The following TLCD1 variants were observed in gnomAD, a reference collection of about 807,000 sequenced individuals.
The protein encoded by TLCD1 is TLC domain containing 1, also known as TLC domain-containing protein 1.
A neutral mutation model predicts 21.2 loss-of-function variants in TLCD1; 21 were observed. The ratio of observed to expected loss-of-function variants is 0.99; its 90% CI spans 0.70 to 1.42. The LOEUF is 1.42. Ranked by LOEUF, TLCD1 falls within the 40% of genes most tolerant of loss-of-function variation. The pLI, the probability that TLCD1 is intolerant of heterozygous loss-of-function variation, is 0.00. For missense variants in TLCD1, 344 were observed against 330.3 expected, an observed-to-expected ratio of 1.04 and a Z score of -0.32; for synonymous variants, 168 against 134.8, an observed-to-expected ratio of 1.25 and a Z score of -1.71.
chr17:28,725,708 G>C, intron 1 of TLCD1, 145 bp from the exon 2 acceptor site: 1 of 1,147,902 alleles, frequency 8.7e-7, no homozygotes, highest in Non-Finnish European at 1.2e-6. Context: ...AAACCCAAGA[G>C]CCTCCAGTTT....
chr17:28,724,654 C>G lies in TLCD1; in HGVS notation c.600G>C (p.Gln200His), dbSNP rs755663793. 1 of 1,614,130 alleles carries G rather than the reference C, an allele frequency of 6.2e-7. No individual in the cohort carries two copies. The highest frequency in any genetic ancestry group is 8.5e-7 in the Non-Finnish European group (1 of 1,179,996). ...CCAGCAGGAAGGTGCCCAGGGTCCT[C>G]TGGTTCACATAACGCAAGAAGAAAT... ...LTHFFLRYVN[Q>H]RTLGTFLLGI... The change falls in exon 4 of 4, where the codon CAG becomes CAC. Residue 200 changes from glutamine (Q) to histidine (H), a missense_variant. By Grantham distance (24) the Gln-to-His change is conservative. Coordinates refer to ENST00000292090, the MANE Select transcript of TLCD1 (RefSeq NM_138463.4).
intron 3 of TLCD1, 135 bp downstream of exon 3, chr17:28,725,169 T>A: frequency 9.5e-7 from 1 of 1,047,514 alleles, no homozygotes; most frequent in Non-Finnish European, 1.4e-6. Context: ...ACCTCCAGCA[T>A]CCTAGCATAA....
Position 28,724,736 on chromosome 17 carries a change from T to C in TLCD1, c.518A>G (p.Tyr173Cys). 1.2e-6 allele frequency: 2 copies of C among 1,614,130 alleles called. No individual in the cohort carries two copies. Among genetic ancestry groups the C allele is most frequent in the Non-Finnish European group, 1.7e-6 (2 of 1,180,028 alleles). The stretch of plus-strand genomic sequence containing the variant: ...GAGAAAGTACATGACCAGGTTCACA[T>C]ACTTGTTAACCCGGTAGAGGAGATG... ...QDHLLYRVNK[Y>C]VNLVMYFLFR... Residue 173 changes from tyrosine (Y) to cysteine (C), a missense_variant, in exon 4 of 4, where the codon TAT (tyrosine) becomes TGT (cysteine). Tyr to Cys is a radical substitution (Grantham distance 194, BLOSUM62 -2). Transcript: ENST00000292090.
rs2034173172 is a variant in TLCD1, at chr17:28,724,386, G to A, written c.*124C>T. The A allele has an allele frequency of 2.5e-6, 3 of 1,218,248 alleles. No individual in the cohort carries two copies. The highest frequency in any genetic ancestry group is 2.2e-5 in the Admixed American group (1 of 45,326). 75.5% of individuals were successfully genotyped at this position (1,218,248 alleles called of 1,614,324 possible). A position where few individuals can be genotyped will look rare whatever the true frequency, so the allele number is the denominator to read the frequency against. On this transcript the variant is annotated 3_prime_UTR_variant, in exon 4 of 4. Coordinates refer to ENST00000292090, the MANE Select transcript of TLCD1 (RefSeq NM_138463.4). ...TTTCATTAGTGTTTTCAATAGTGTG[G>A]GCGCAGGCTCAGAAGGTGGAGAGGC...
intron 1 of TLCD1, 148 bp downstream of exon 1, chr17:28,725,755 CT>C: frequency 8.0e-7 from 1 of 1,243,458 alleles, no homozygotes; most frequent in Non-Finnish European, 1.1e-6. Context: ...GCCACTGCGG[CT>C]TTTGGTTGGA....
In TLCD1 at chr17:28,724,706, C is replaced by T. The variant is rs1014430899; in HGVS notation, c.548G>A (p.Arg183His). 5.0e-6 allele frequency: 8 copies of T among 1,613,936 alleles called. No homozygotes were observed. The highest frequency in any genetic ancestry group is 3.3e-5 in the Admixed American group (2 of 59,970). The change falls in exon 4 of 4, where the codon CGC (arginine) becomes CAC (histidine). Residue 183 changes from arginine to histidine, a missense_variant. Physicochemically the swap from Arg to His is conservative, Grantham distance 29. Coordinates refer to ENST00000292090, the MANE Select transcript of TLCD1 (RefSeq NM_138463.4). ...YVNLVMYFLF[R>H]LAPQAYLTHF... ...GGTGAGGTAGGCCTGAGGGGCCAGGCGGAAGAGAAAGTACATGACCAGGTT... is the reference window on the plus strand; with the variant it reads ...GGTGAGGTAGGCCTGAGGGGCCAGGTGGAAGAGAAAGTACATGACCAGGTT...
upstream of TLCD1, chr17:28,726,341 C>G: frequency 1.2e-6 from 1 of 812,986 alleles, no homozygotes; most frequent in Non-Finnish European, 1.5e-6. Context: ...TGCCCCCGCC[C>G]CTCAGGCGCT....
upstream of TLCD1, chr17:28,726,845 C>T (rs1303083955): frequency 1.9e-6 from 3 of 1,543,274 alleles, no homozygotes; most frequent in Admixed American, 5.9e-5. Flanking sequence ...ACTCCTGGGG[C>T]CGGGCGGCTG....
upstream of TLCD1, among the ~76,000 whole-genome samples, chr17:28,726,430 T>G (rs1384010946): frequency 6.6e-6 from 1 of 151,682 alleles, no homozygotes; most frequent in African/African-American, 2.4e-5. Flanking sequence ...CTAGGAGCTG[T>G]GCTGGGGGCG....
Position 28,726,191 on chromosome 17 carries a change from T to G in TLCD1, c.-94A>C. ...CGGGCCAGTCCAGGCCGGCCGCCTC[T>G]CCCGCCGGCCGCCAGCCCCACACAG... On this transcript the variant is annotated 5_prime_UTR_variant, in exon 1 of 4. Transcript: ENST00000292090. The G allele has an allele frequency of 1.7e-5, 23 of 1,370,548 alleles. No individual in the cohort carries two copies. The highest frequency in any genetic ancestry group is 2.1e-5 in the Non-Finnish European group (23 of 1,070,162). 84.9% of individuals were successfully genotyped at this position (1,370,548 alleles called of 1,614,324 possible). A position where few individuals can be genotyped will look rare whatever the true frequency, so the allele number is the denominator to read the frequency against.
At position 28,724,912 on chromosome 17, in the gene TLCD1, A is replaced by G. The variant is rs772472616; in HGVS notation, c.361-19T>C. On this transcript the variant is annotated intron_variant, in intron 3 of 3. Transcript: ENST00000292090. Reference sequence around the variant, plus strand: ...CCATGGCCTAGAGGGAAGAAAGAATAGGAGTTAGGGAACCCAGATGCAGAC... The same window carrying G: ...CCATGGCCTAGAGGGAAGAAAGAATGGGAGTTAGGGAACCCAGATGCAGAC... 1 of 1,605,046 alleles carries G rather than the reference A, an allele frequency of 6.2e-7. No individual in the cohort carries two copies. The highest frequency in any genetic ancestry group is 2.2e-5 in the East Asian group (1 of 44,806).
chr17:28,725,312 G>A lies in TLCD1; in HGVS notation c.352C>T (p.His118Tyr). The A allele has an allele frequency of 3.1e-6, 5 of 1,614,116 alleles. No homozygotes were observed. The highest frequency in any genetic ancestry group is 4.2e-6 in the Non-Finnish European group (5 of 1,179,978). The part of the protein sequence containing the change: ...TRASWEYLVH[H>Y]VMAMGAFFSG... ...GTCTGCTTCTCTCTTACCATGACGT[G>A]ATGGACAAGGTATTCCCAAGAGGCT... Residue 118 changes from histidine (H) to tyrosine (Y), a missense_variant, in exon 3 of 4, where the codon CAC becomes TAC. Transcript: ENST00000292090.
At chr17:28,725,597 G>C (rs372254783) in intron 1 of TLCD1, 34 bp from the exon 2 acceptor site, 1 of 1,606,448 alleles carries the variant, frequency 6.2e-7, no homozygotes, top group East Asian at 2.2e-5. Flanking sequence ...TCTGCATTTC[G>C]GCACCCTCAA....
In TLCD1 at chr17:28,725,469, G is replaced by A; in HGVS notation, c.277+12C>T. 6.2e-7 allele frequency: 1 copy of A among 1,614,106 alleles called. No homozygotes were observed. The highest frequency in any genetic ancestry group is 8.5e-7 in the Non-Finnish European group (1 of 1,180,012). ...TCCCCAATTTGCCTCCCGCTTCCTGGGCAAGACCTACCCGCAGAGAAGCAA... is the reference window on the plus strand; with the variant it reads ...TCCCCAATTTGCCTCCCGCTTCCTGAGCAAGACCTACCCGCAGAGAAGCAA... On this transcript the variant is annotated intron_variant, in intron 2 of 3. Coordinates refer to ENST00000292090, the MANE Select transcript of TLCD1 (RefSeq NM_138463.4).
In TLCD1 at chr17:28,726,052, T is replaced by A. The variant is rs1488494078; in HGVS notation, c.46A>T (p.Thr16Ser). Residue 16 changes from threonine to serine, a missense_variant, in exon 1 of 4, where the codon ACG becomes TCG. By Grantham distance (58) the Thr-to-Ser change is moderately conservative. Transcript: ENST00000292090. ...HPALPLLLGA[T>S]LTFRALRRAL... ...CGCCGGAGCGCCCGGAAGGTCAGCG[T>A]GGCGCCCAGGAGCAGCGGCAGGGCG... 1 of 1,559,842 alleles carries A rather than the reference T, an allele frequency of 6.4e-7. No homozygotes were observed. The highest frequency in any genetic ancestry group is 1.2e-5 in the South Asian group (1 of 84,860).
Position 28,724,491 on chromosome 17 carries a change from G to T in TLCD1, c.*19C>A. On this transcript the variant is annotated 3_prime_UTR_variant, in exon 4 of 4. Coordinates refer to ENST00000292090, the MANE Select transcript of TLCD1 (RefSeq NM_138463.4). Reference sequence around the variant, plus strand: ...GTTTCTGGCCTTGTCCGTTTTTGTTGTCCCAGGCTCTGTGCCCCTCACTCA... The same window carrying T: ...GTTTCTGGCCTTGTCCGTTTTTGTTTTCCCAGGCTCTGTGCCCCTCACTCA... 1 of 1,606,282 alleles carries T rather than the reference G, an allele frequency of 6.2e-7. No individual in the cohort carries two copies.
chr17:28,726,838 C>T (rs1389855920), upstream of TLCD1: 6 of 1,545,180 alleles, frequency 3.9e-6, no homozygotes, highest in East Asian at 1.2e-4. Context: ...CTCTTAAACT[C>T]CTGGGGCCGG....
In TLCD1 at chr17:28,724,482, GT is replaced by G. The variant is rs78928560; in HGVS notation, c.*27del. The G allele has an allele frequency of 6.2e-4, 989 of 1,602,938 alleles. 10 individuals carry two copies. The East Asian group carries it at 0.017, about 28-fold the overall frequency. On this transcript the variant is annotated 3_prime_UTR_variant, in exon 4 of 4. Transcript: ENST00000292090. The stretch of plus-strand genomic sequence containing the variant: ...TATGAAGCTGTTTCTGGCCTTGTCC[GT>G]TTTTGTTGTCCCAGGCTCTGTGCCC...
chr17:28,726,842 G>A (rs1387156874), upstream of TLCD1: 3 of 1,544,192 alleles, frequency 1.9e-6, no homozygotes, highest in Non-Finnish European at 2.6e-6. Flanking sequence ...TAAACTCCTG[G>A]GGCCGGGCGG....
Sources: gnomAD v4.1 joint callset for allele counts (sites outside exome capture counted in the v4.1 genomes callset) on GRCh38, gnomAD v4.1.1 for gene constraint, MANE v1.5 for transcripts, NCBI Gene and HGNC (gene_info 2026-07-23, HGNC 2026-07-21) for gene names.